PTPRG: variants seen among roughly 807,000 people sequenced by gnomAD.
PTPRG encodes protein tyrosine phosphatase receptor type G, also known as receptor-type tyrosine-protein phosphatase gamma.
Under a neutral mutation model 165.3 loss-of-function variants are expected in PTPRG, and 102 were observed. That is an observed-to-expected ratio of 0.62 (90% CI 0.53 to 0.73). The LOEUF (loss-of-function observed/expected upper bound fraction) is 0.73. Ranked by LOEUF, PTPRG falls within the 30% of genes least tolerant of loss-of-function variation. The probability of loss-of-function intolerance (pLI) is 0.00; values close to 1 mark genes in which losing one functional copy is unlikely to be tolerated. For synonymous variants in PTPRG, 675 were observed against 669.5 expected, an observed-to-expected ratio of 1.01 and a Z score of -0.13; for missense variants, 1,866 against 1,861.4, an observed-to-expected ratio of 1.00 and a Z score of -0.05.
At chr3:62,030,445 T>C (rs1699731257) in intron 4 of PTPRG, among the ~76,000 whole-genome samples, 1 of 152,240 alleles carries the variant, frequency 6.6e-6, no homozygotes, top group South Asian at 2.1e-4. Flanking sequence ...TAATGAATGC[T>C]ACATTTGCAT....
chr3:62,038,340 G>A (rs1341195005), intron 4 of PTPRG, among the ~76,000 whole-genome samples: 3 of 152,282 alleles, frequency 2.0e-5, no homozygotes, highest in South Asian at 2.1e-4. Flanking sequence ...TCTTTGCAGA[G>A]CATTCGATTA....
At chr3:61,638,547 C>T (rs1388857032) in intron 1 of PTPRG, among the ~76,000 whole-genome samples, 1 of 147,552 alleles carries the variant, frequency 6.8e-6, no homozygotes, top group Non-Finnish European at 1.5e-5. Context: ...AAAAAATCTT[C>T]CCAAGTAGCT....
rs749931739 is a variant in PTPRG at position 61,917,520 on chromosome 3, C to CGTT, written c.191-72104_191-72102dup. On this transcript the variant is annotated intron_variant, in intron 2 of 29. Transcript: ENST00000474889. ...CTCAGTAACATACCTCTCACACAGG[C>CGTT]GTTATCTTAATGTGTCAGCATTCAG... Among the ~76,000 whole-genome samples the CGTT allele has an allele frequency of 1.1e-3, 174 of 152,186 alleles. 1 individual carries two copies. Among genetic ancestry groups the CGTT allele is most frequent in the South Asian group, 2.1e-3 (10 of 4,822 alleles).
chr3:61,775,739 A>T (rs968763347), intron 2 of PTPRG, among the ~76,000 whole-genome samples: 2 of 152,124 alleles, frequency 1.3e-5, no homozygotes, highest in Non-Finnish European at 2.9e-5. Flanking sequence ...ATGGAATACG[A>T]TGCAGCCATA....
Position 61,645,252 on chromosome 3 carries a change from C to T in PTPRG, c.85+82880C>T, listed in dbSNP as rs1460646451. 3.3e-5 allele frequency among the ~76,000 whole-genome samples: 5 copies of T among 152,376 alleles called. No homozygotes were observed. In the East Asian group the frequency reaches 9.6e-4, roughly 29 times the overall value. ...CATTTAGCCACAGAAAATAAAAGCT[C>T]TCCCAGTTGGGTTGTGATTAATAGC... On this transcript the variant is annotated intron_variant, in intron 1 of 29. Coordinates refer to ENST00000474889, the MANE Select transcript of PTPRG (RefSeq NM_002841.4).
At chr3:62,201,165 C>G (rs1312012966) in intron 10 of PTPRG, among the ~76,000 whole-genome samples, 1 of 152,132 alleles carries the variant, frequency 6.6e-6, no homozygotes, top group Non-Finnish European at 1.5e-5. Context: ...ATGTAAAATT[C>G]ATTCAACTAT....
intron 5 of PTPRG, among the ~76,000 whole-genome samples, chr3:62,117,520 A>T (rs1187512418): frequency 1.3e-5 from 2 of 152,130 alleles, no homozygotes; most frequent in Non-Finnish European, 2.9e-5. Flanking sequence ...GGTATGGTTC[A>T]TTTACTGTGC....
chr3:62,269,515 T>G (rs1701992471), intron 20 of PTPRG, among the ~76,000 whole-genome samples: 1 of 152,172 alleles, frequency 6.6e-6, no homozygotes, highest in South Asian at 2.1e-4. Flanking sequence ...AAGCATTGTT[T>G]CCCAAAGTAT....
At chr3:61,902,125 A>G (rs1362265279) in intron 2 of PTPRG, among the ~76,000 whole-genome samples, 2 of 152,194 alleles carry the variant, frequency 1.3e-5, no homozygotes, top group East Asian at 3.9e-4. Context: ...CCTTCTCACC[A>G]TGGGGTGTAC....
chr3:61,926,891 A>G (rs1245045213), intron 2 of PTPRG, among the ~76,000 whole-genome samples: 1 of 150,942 alleles, frequency 6.6e-6, no homozygotes, highest in Non-Finnish European at 1.5e-5. Flanking sequence ...TGAAATTAAA[A>G]CAAAAACGAA....
rs560982939 is a variant in PTPRG at position 61,562,022 on chromosome 3, C to T, written c.-266C>T. 9.2e-6 allele frequency: 4 copies of T among 434,154 alleles called. No homozygotes were observed. The East Asian group carries it at 1.3e-4, about 14-fold the overall frequency. The allele number at this position is 434,154 out of a possible 1,614,324, so 26.9% of individuals were successfully genotyped here. A position where few individuals can be genotyped will look rare whatever the true frequency, so the allele number is the denominator to read the frequency against. ...CTCCGCGCCCTGCCCGATCGGCTCT[C>T]TCCTTTTTAAACGGAAAGCAGCCTT... On this transcript the variant is annotated 5_prime_UTR_variant, in exon 1 of 30. Coordinates refer to ENST00000474889, the MANE Select transcript of PTPRG (RefSeq NM_002841.4).
intron 1 of PTPRG, among the ~76,000 whole-genome samples, chr3:61,641,469 CAT>C (rs1398654672): frequency 1.1e-4 from 16 of 152,194 alleles, no homozygotes; most frequent in Non-Finnish European, 8.8e-5. Flanking sequence ...AAAGTTTTCA[CAT>C]GTGTATTTCT....
chr3:61,780,761 A>G (rs887958405), intron 2 of PTPRG, among the ~76,000 whole-genome samples: 19 of 152,212 alleles, frequency 1.2e-4, no homozygotes, highest in African/African-American at 4.3e-4. Flanking sequence ...TTTTCAGTTC[A>G]TTAACCATTT....
rs1700396548 is a variant in PTPRG, at chr3:61,584,925, TC to T, written c.85+22555del. On this transcript the variant is annotated intron_variant, in intron 1 of 29. Coordinates refer to ENST00000474889, the MANE Select transcript of PTPRG (RefSeq NM_002841.4). ...GTTTGAATGGGATGTCATTCTAATCTCCACGTTTCTTCATAAATTTTTCACT... is the reference window on the plus strand; with the variant it reads ...GTTTGAATGGGATGTCATTCTAATCTCACGTTTCTTCATAAATTTTTCACT... Among the ~76,000 whole-genome samples the T allele has an allele frequency of 2.0e-5, 3 of 152,334 alleles. No individual in the cohort carries two copies. The South Asian group carries it at 6.2e-4, about 32-fold the overall frequency.
At chr3:61,712,328 A>G (rs1575604293) in intron 1 of PTPRG, among the ~76,000 whole-genome samples, 1 of 149,466 alleles carries the variant, frequency 6.7e-6, no homozygotes, top group Admixed American at 6.7e-5. Flanking sequence ...ACAGCGGCTT[A>G]AGACTTTTTT....
At chr3:61,950,867 C>G (rs994010438) in intron 2 of PTPRG, among the ~76,000 whole-genome samples, 3 of 152,140 alleles carry the variant, frequency 2.0e-5, no homozygotes, top group Non-Finnish European at 4.4e-5. Flanking sequence ...TAAATATTAT[C>G]CTATTTGAAG....
intron 4 of PTPRG, among the ~76,000 whole-genome samples, chr3:62,024,731 A>G (rs1008902116): frequency 6.6e-6 from 1 of 152,146 alleles, no homozygotes; most frequent in African/African-American, 2.4e-5. Context: ...GCAACCCCTA[A>G]TGTGTTATCT....
intron 2 of PTPRG, chr3:61,769,181 C>T (rs985228077): frequency 6.6e-6 from 1 of 152,110 alleles, no homozygotes; most frequent in African/African-American, 2.4e-5. Context: ...TAATACCTTC[C>T]TTAAGAGGGT....
chr3:62,052,491 G>A (rs73084895), intron 4 of PTPRG, among the ~76,000 whole-genome samples: 15,447 of 152,206 alleles, frequency 0.1, 1,000 homozygotes, highest in Admixed American at 0.2. Flanking sequence ...CCAGGAATTC[G>A]AAACCAGCCT....
Sources: allele counts gnomAD v4.1 joint callset (sites outside exome capture counted in the v4.1 genomes callset), GRCh38; gene constraint gnomAD v4.1.1; transcripts MANE v1.5; gene names NCBI Gene and HGNC (gene_info 2026-07-23, HGNC 2026-07-21).